Variants in MYO5B observed in about 807,000 individuals in gnomAD.
MYO5B encodes the protein myosin VB.
A neutral mutation model predicts 229.3 loss-of-function variants in MYO5B; 143 were observed. That is an observed-to-expected ratio of 0.62 (90% CI 0.54 to 0.72). The LOEUF (loss-of-function observed/expected upper bound fraction) is 0.72. Ranked by LOEUF, MYO5B falls within the 30% of genes least tolerant of loss-of-function variation. The pLI, the probability that MYO5B is intolerant of heterozygous loss-of-function variation, is 0.00. For synonymous variants in MYO5B, 918 were observed against 885.2 expected (o/e 1.04, Z -0.66); for missense variants, 2,321 against 2,331.0 (o/e 1.00, Z 0.09).
chr18:49,983,299 T>C (rs930150441), intron 8 of MYO5B, among the ~76,000 whole-genome samples: 3 of 152,276 alleles, frequency 2.0e-5, no homozygotes, highest in Non-Finnish European at 4.4e-5. Flanking sequence ...TGGTCCTCCA[T>C]AGTTATCATG....
At chr18:49,935,196 G>A (rs781016301) in intron 16 of MYO5B, among the ~76,000 whole-genome samples, 10 of 152,200 alleles carry the variant, frequency 6.6e-5, no homozygotes, top group Non-Finnish European at 8.8e-5. Context: ...GTTAGACACT[G>A]GGAAGTGAAG....
At chr18:50,073,882 C>T (rs1030295747) in intron 1 of MYO5B, among the ~76,000 whole-genome samples, 1 of 152,154 alleles carries the variant, frequency 6.6e-6, no homozygotes, top group Admixed American at 6.5e-5. Context: ...AATCCATTGG[C>T]AAGGCCCATT....
intron 1 of MYO5B, among the ~76,000 whole-genome samples, chr18:50,143,359 A>G (rs963331688): frequency 2.0e-5 from 3 of 152,214 alleles, no homozygotes; most frequent in African/African-American, 7.2e-5. Context: ...CAAAGGCAGA[A>G]AGTGGAGTCA....
chr18:49,929,539 C>A lies in MYO5B; in HGVS notation c.2063G>T (p.Arg688Leu), dbSNP rs780177504. ...GGATGGGTAGCCAGCTGCACTGATT[C>A]GAATCGTCTCCAACACCCCGCAGGC... ...LRACGVLETI[R>L]ISAAGYPSRW... is the part of the protein sequence containing the mutation. Residue 688 changes from arginine (R) to leucine (L), a missense_variant, in exon 17 of 40, where the codon CGA becomes CTA. Arg to Leu is a moderately radical substitution (Grantham distance 102). Transcript: ENST00000285039. The A allele has an allele frequency of 6.2e-7, 1 of 1,607,880 alleles. No homozygotes were observed. Among genetic ancestry groups the A allele is most frequent in the South Asian group, 1.1e-5 (1 of 90,442 alleles).
chr18:49,892,269 T>C (rs1293796150), intron 22 of MYO5B, among the ~76,000 whole-genome samples: 1 of 152,182 alleles, frequency 6.6e-6, no homozygotes, highest in Non-Finnish European at 1.5e-5. Flanking sequence ...AAACAACAGA[T>C]ACCTTTAGTA....
At position 49,877,684 on chromosome 18, in the gene MYO5B, T is replaced by C. The variant is rs141108124; in HGVS notation, c.3396+79A>G. 1.3e-5 allele frequency: 20 copies of C among 1,593,910 alleles called. No individual in the cohort carries two copies. The East Asian group carries it at 2.7e-4, about 21-fold the overall frequency. On this transcript the variant is annotated intron_variant, in intron 25 of 39. Coordinates refer to ENST00000285039, the MANE Select transcript of MYO5B (RefSeq NM_001080467.3). Reference sequence around the variant, plus strand: ...GTCACCATCAGCAGAAGAGTAAATTTCTCTTGGACAGTTCCACACAGAAAA... The same window carrying C: ...GTCACCATCAGCAGAAGAGTAAATTCCTCTTGGACAGTTCCACACAGAAAA...
rs563858975 is a variant in MYO5B, at chr18:50,195,010, C to T, written c.-217G>A. ...CCCGCCGCGGCGGCGCAGCTACGGCCGGACAGGAGTTGCGAGCGCCGGGGG... is the reference window on the plus strand; with the variant it reads ...CCCGCCGCGGCGGCGCAGCTACGGCTGGACAGGAGTTGCGAGCGCCGGGGG... On this transcript the variant is annotated 5_prime_UTR_variant, in exon 1 of 40. Coordinates refer to ENST00000285039, the MANE Select transcript of MYO5B (RefSeq NM_001080467.3). 61 of 553,468 alleles carry T rather than the reference C, an allele frequency of 1.1e-4. No individual in the cohort carries two copies. The highest frequency in any genetic ancestry group is 1.5e-4 in the Non-Finnish European group (57 of 380,286). 34.3% of individuals were successfully genotyped at this position (553,468 alleles called of 1,614,324 possible). A position where few individuals can be genotyped will look rare whatever the true frequency, so the allele number is the denominator to read the frequency against.
chr18:50,123,020 T>C (rs1042447806), intron 1 of MYO5B, among the ~76,000 whole-genome samples: 1 of 152,162 alleles, frequency 6.6e-6, no homozygotes, highest in African/African-American at 2.4e-5. Flanking sequence ...TCTATGAAAG[T>C]GAATGGCAGC....
At chr18:50,078,965 A>G (rs1379720912) in intron 1 of MYO5B, among the ~76,000 whole-genome samples, 1 of 152,268 alleles carries the variant, frequency 6.6e-6, no homozygotes, top group African/African-American at 2.4e-5. Context: ...CTCATTTATA[A>G]TGTGGACATA....
intron 29 of MYO5B, among the ~76,000 whole-genome samples, 190 bp downstream of exon 29, chr18:49,863,037 G>A (rs1483925087): frequency 6.6e-6 from 1 of 152,134 alleles, no homozygotes; most frequent in African/African-American, 2.4e-5. Flanking sequence ...GATGCTGAGA[G>A]CGTGTTGCTC....
At chr18:49,874,449 A>G (rs2024492867) in intron 26 of MYO5B, among the ~76,000 whole-genome samples, 1 of 152,232 alleles carries the variant, frequency 6.6e-6, no homozygotes, top group African/African-American at 2.4e-5. Context: ...TTCTAATTCA[A>G]TGAGTCATTT....
At chr18:49,863,956 C>CTG (rs2024362767) in intron 28 of MYO5B, among the ~76,000 whole-genome samples, 185 bp downstream of exon 28, 1 of 152,218 alleles carries the variant, frequency 6.6e-6, no homozygotes, top group African/African-American at 2.4e-5. Flanking sequence ...AGCTGCATCC[C>CTG]CCAGGGAAGG....
intron 5 of MYO5B, among the ~76,000 whole-genome samples, chr18:49,997,085 G>A (rs2025995499): frequency 6.6e-6 from 1 of 151,922 alleles, no homozygotes; most frequent in South Asian, 2.1e-4. Context: ...GGGCAATGTG[G>A]CAAGACCCTG....
At chr18:49,913,884 G>GCTC (rs2024984469) in intron 17 of MYO5B, among the ~76,000 whole-genome samples, 1 of 152,062 alleles carries the variant, frequency 6.6e-6, no homozygotes, top group Non-Finnish European at 1.5e-5. Flanking sequence ...TCTGAACACT[G>GCTC]AGAGGAGTTC....
intron 1 of MYO5B, among the ~76,000 whole-genome samples, chr18:50,186,516 C>T (rs749881179): frequency 3.3e-5 from 5 of 152,128 alleles, no homozygotes; most frequent in African/African-American, 4.8e-5. Flanking sequence ...TCTTGTCTAC[C>T]GCTCTCATAG....
chr18:50,057,963 C>A (rs1568089777), intron 1 of MYO5B, among the ~76,000 whole-genome samples: 1 of 152,148 alleles, frequency 6.6e-6, no homozygotes, highest in Non-Finnish European at 1.5e-5. Flanking sequence ...AGCTATGGGA[C>A]AAATCTAGCA....
intron 22 of MYO5B, among the ~76,000 whole-genome samples, chr18:49,888,682 A>G (rs2024674366): frequency 6.6e-6 from 1 of 151,978 alleles, no homozygotes; most frequent in Non-Finnish European, 1.5e-5. Flanking sequence ...TATTCTCCTA[A>G]CTCGACCTGG....
intron 1 of MYO5B, among the ~76,000 whole-genome samples, chr18:50,141,953 T>C (rs1028732007): frequency 3.3e-5 from 5 of 152,176 alleles, no homozygotes; most frequent in Non-Finnish European, 7.3e-5. Context: ...CCACATACCA[T>C]TTCTTCCTCA....
At chr18:49,844,157 T>C (rs2024097517) in intron 33 of MYO5B, among the ~76,000 whole-genome samples, 1 of 152,256 alleles carries the variant, frequency 6.6e-6, no homozygotes, top group African/African-American at 2.4e-5. Flanking sequence ...CTCAGCCCTT[T>C]GGCCCTTTCT....
Sources: allele counts gnomAD v4.1 joint callset (sites outside exome capture counted in the v4.1 genomes callset), GRCh38; gene constraint gnomAD v4.1.1; transcripts MANE v1.5; gene names NCBI Gene and HGNC (gene_info 2026-07-23, HGNC 2026-07-21).